SLC9A7: variants seen among roughly 807,000 people sequenced by gnomAD.
The protein encoded by SLC9A7 is sodium/hydrogen exchanger 7.
A neutral mutation model predicts 52.6 loss-of-function variants in SLC9A7; 19 were observed. The ratio of observed to expected loss-of-function variants is 0.36; its 90% CI spans 0.25 to 0.53. SLC9A7 has a LOEUF of 0.53. SLC9A7 is among the 20% of genes least tolerant of loss of function. SLC9A7 has a pLI of 0.91. For synonymous variants in SLC9A7, 226 were observed against 252.1 expected, an observed-to-expected ratio of 0.90 and a Z score of 0.98; for missense variants, 455 against 597.9, an observed-to-expected ratio of 0.76 and a Z score of 2.49.
intron 1 of SLC9A7, among the ~76,000 whole-genome samples, chrX:46,688,957 T>A (rs1944340402): frequency 9.0e-6 from 1 of 111,257 alleles, no homozygotes; most frequent in Non-Finnish European, 1.9e-5. Flanking sequence ...CTTTCTTTTT[T>A]AAAATTTCTC....
intron 12 of SLC9A7, among the ~76,000 whole-genome samples, chrX:46,638,871 G>T (rs550678686): frequency 8.9e-6 from 1 of 112,110 alleles, no homozygotes; most frequent in South Asian, 3.7e-4. Flanking sequence ...TGTGAGGCCA[G>T]ATTACTCTGA....
intron 7 of SLC9A7, among the ~76,000 whole-genome samples, chrX:46,656,744 G>C (rs1224293844): frequency 9.0e-6 from 1 of 111,483 alleles, no homozygotes; most frequent in Non-Finnish European, 1.9e-5. Flanking sequence ...ATCTACATCT[G>C]ATTGGTGTAC....
Position 46,600,523 on chromosome X carries a change from C to T in SLC9A7, c.*6429G>A, listed in dbSNP as rs1482837809. ...CAAGGCTCAGGTAGCAGAAAACCGGCTGCCTGTGTGTTCCATATGGGCCAC... is the reference window on the plus strand; with the variant it reads ...CAAGGCTCAGGTAGCAGAAAACCGGTTGCCTGTGTGTTCCATATGGGCCAC... On this transcript the variant is annotated 3_prime_UTR_variant, in exon 17 of 17. Transcript: ENST00000616978. 1.8e-5 allele frequency: 2 copies of T among 112,025 alleles called. No homozygotes were observed. The highest frequency in any genetic ancestry group is 5.6e-4 in the East Asian group (2 of 3,583). 9.2% of individuals were successfully genotyped at this position (112,025 alleles called of 1,213,427 possible). A position where few individuals can be genotyped will look rare whatever the true frequency, so the allele number is the denominator to read the frequency against.
intron 3 of SLC9A7, among the ~76,000 whole-genome samples, chrX:46,674,669 C>T (rs901537372): frequency 3.6e-5 from 4 of 111,877 alleles, no homozygotes; most frequent in Admixed American, 1.9e-4. Flanking sequence ...TCGATTCCCA[C>T]TTCTCTTTGG....
At chrX:46,754,198 T>A (rs943243971) in intron 1 of SLC9A7, among the ~76,000 whole-genome samples, 1 of 111,237 alleles carries the variant, frequency 9.0e-6, no homozygotes, top group East Asian at 2.8e-4. Flanking sequence ...AAGCCTAAAA[T>A]GAGAATGGGA....
chrX:46,748,568 C>T (rs752112573), intron 1 of SLC9A7, among the ~76,000 whole-genome samples: 5 of 17,798 alleles, frequency 2.8e-4, no homozygotes. Context: ...TGTGCGTGTA[C>T]ACACACACAC....
At chrX:46,644,753 ATC>A (rs769367701) in intron 11 of SLC9A7, among the ~76,000 whole-genome samples, 3 of 112,031 alleles carry the variant, frequency 2.7e-5, no homozygotes, top group Non-Finnish European at 5.6e-5. Flanking sequence ...GACCTACTAT[ATC>A]TGTTTGTACA....
chrX:46,613,841 C>T (rs920599242), intron 15 of SLC9A7, among the ~76,000 whole-genome samples: 5 of 111,706 alleles, frequency 4.5e-5, no homozygotes, highest in Non-Finnish European at 9.4e-5. Context: ...CCACTCTACC[C>T]AGAGGGCAGG....
chrX:46,610,755 T>C (rs1027670928), intron 16 of SLC9A7, among the ~76,000 whole-genome samples: 8 of 112,197 alleles, frequency 7.1e-5, no homozygotes, highest in Admixed American at 1.9e-4. Context: ...CTTGAACTGC[T>C]GGGAGAAGCA....
Position 46,606,684 on chromosome X carries a change from ATTT to A in SLC9A7, c.*265_*267del, listed in dbSNP as rs1208435727. 5 of 1,009,772 alleles carry A rather than the reference ATTT, an allele frequency of 5.0e-6. No individual in the cohort carries two copies. The highest frequency in any genetic ancestry group is 6.3e-6 in the Non-Finnish European group (5 of 793,546). The allele number at this position is 1,009,772 out of a possible 1,213,427, so 83.2% of individuals were successfully genotyped here. ...AATTAGGAGACCATTAAAGCATGCTATTTTTTTTTGTTTGTTTAACTCTGAAAC... is the reference window on the plus strand; with the variant it reads ...AATTAGGAGACCATTAAAGCATGCTATTTTTTGTTTGTTTAACTCTGAAAC... On this transcript the variant is annotated 3_prime_UTR_variant, in exon 17 of 17. Coordinates refer to ENST00000616978, the MANE Select transcript of SLC9A7 (RefSeq NM_001257291.2).
Position 46,651,115 on chromosome X carries a change from C to T in SLC9A7, c.1345G>A (p.Ala449Thr). Reference protein sequence around the residue: ...HVFSPIFIIGAFVAIFLGRAA... With the variant: ...HVFSPIFIIGTFVAIFLGRAA... ...GTGGAACAAGAAAAGGATACAAAAG[C>T]TCCGATGATGAAAATGGGGCTGAAA... The change falls in exon 10 of 17, where the codon GCT (alanine) becomes ACT (threonine). Residue 449 changes from alanine (A) to threonine (T), a missense_variant. Transcript: ENST00000616978. The T allele has an allele frequency of 8.3e-7, 1 of 1,198,357 alleles. No homozygotes were observed. Among genetic ancestry groups the T allele is most frequent in the Non-Finnish European group, 1.1e-6 (1 of 884,498 alleles).
intron 15 of SLC9A7, among the ~76,000 whole-genome samples, chrX:46,614,696 A>C (rs1454531553): frequency 8.9e-6 from 1 of 112,158 alleles, no homozygotes; most frequent in Non-Finnish European, 1.9e-5. Flanking sequence ...CCAAACGCAC[A>C]GCCCTATGTG....
rs769625066 is a variant in SLC9A7, at chrX:46,664,589, C to T, written c.794-1946G>A. Among the ~76,000 whole-genome samples, 6 of 111,312 alleles carry T rather than the reference C, an allele frequency of 5.4e-5. No individual in the cohort carries two copies. In the South Asian group the frequency reaches 2.3e-3, roughly 42 times the overall value. On this transcript the variant is annotated intron_variant, in intron 5 of 16. Transcript: ENST00000616978. ...AGAACTTTGTCAGTCCCCTATATGT[C>T]CCATCCCAGTCTGAAGCCTCTTCCT...
At chrX:46,634,094 C>A (rs915866064) in intron 13 of SLC9A7, among the ~76,000 whole-genome samples, 2 of 111,929 alleles carry the variant, frequency 1.8e-5, no homozygotes, top group Admixed American at 1.9e-4. Context: ...CCTGGTATAA[C>A]GCTTTTGATC....
rs768809076 is a variant in SLC9A7 at position 46,643,333 on chromosome X, G to A, written c.1519C>T (p.Arg507Cys). ...LAIRDTASYA[R>C]QMMFTTTLLI... ...AGGGTGGTCGTGAACATCATCTGGC[G>A]AGCATAGGATGCCGTGTCACGGATG... Residue 507 changes from arginine (R) to cysteine (C), a missense_variant, in exon 12 of 17, where the codon CGC becomes TGC. This residue lies in a region of SLC9A7 where 304 missense variants were observed against 417.8 expected (regional missense o/e 0.73). Transcript: ENST00000616978. 2 of 1,210,696 alleles carry A rather than the reference G, an allele frequency of 1.7e-6. No homozygotes were observed. The highest frequency in any genetic ancestry group is 1.7e-5 in the African/African-American group (1 of 57,786).
At chrX:46,635,136 T>C (rs377374747) in intron 13 of SLC9A7, among the ~76,000 whole-genome samples, 1 of 112,226 alleles carries the variant, frequency 8.9e-6, no homozygotes, top group East Asian at 2.8e-4. Flanking sequence ...AAAACTATAA[T>C]AGCAGTGGTA....
At chrX:46,705,229 C>T (rs1185458867) in intron 1 of SLC9A7, among the ~76,000 whole-genome samples, 1 of 111,797 alleles carries the variant, frequency 8.9e-6, no homozygotes, top group East Asian at 2.8e-4. Context: ...CCAGCCATCC[C>T]TTTAAGCCAA....
At position 46,605,204 on chromosome X, in the gene SLC9A7, AAAAG is replaced by A. The variant is rs1244842925; in HGVS notation, c.*1744_*1747del. ...AGACTCCATCTCAAAAAAAAAAAAA[AAAAG>A]GAAAGAAAGAAAAAAAGAAAAGCCC... On this transcript the variant is annotated 3_prime_UTR_variant, in exon 17 of 17. Coordinates refer to ENST00000616978, the MANE Select transcript of SLC9A7 (RefSeq NM_001257291.2). 1 of 110,079 alleles carries A rather than the reference AAAAG, an allele frequency of 9.1e-6. No individual in the cohort carries two copies. 9.1% of individuals were successfully genotyped at this position (110,079 alleles called of 1,213,427 possible). A position where few individuals can be genotyped will look rare whatever the true frequency, so the allele number is the denominator to read the frequency against.
chrX:46,632,408 A>T (rs555275244), intron 13 of SLC9A7, among the ~76,000 whole-genome samples: 1 of 111,729 alleles, frequency 9.0e-6, no homozygotes, highest in East Asian at 2.8e-4. Flanking sequence ...AGAACCGAAC[A>T]TCTGATTGGG....
Sources: allele counts gnomAD v4.1 joint callset (sites outside exome capture counted in the v4.1 genomes callset), GRCh38; gene constraint gnomAD v4.1.1; regional missense constraint gnomAD v4.1.1; transcripts MANE v1.5; gene names NCBI Gene and HGNC (gene_info 2026-07-23, HGNC 2026-07-21).